MACF1: variants seen among roughly 807,000 people sequenced by gnomAD.
MACF1 encodes microtubule actin crosslinking factor 1.
In MACF1, 193 loss-of-function variants were observed where a neutral mutation model predicts 854.8. The ratio of observed to expected loss-of-function variants is 0.23; its 90% confidence interval spans 0.20 to 0.25. The LOEUF (loss-of-function observed/expected upper bound fraction) is 0.25, where lower values mean the gene tolerates loss of function less well. MACF1 is among the 10% of genes least tolerant of loss of function. The pLI is 1.00. For missense variants in MACF1, 7,722 were observed against 8,929.1 expected, an observed-to-expected ratio of 0.86 and a Z score of 5.45; for synonymous variants, 3,185 against 3,226.7, an observed-to-expected ratio of 0.99 and a Z score of 0.44.
At chr1:39,299,071 C>CT (rs763017091) in intron 21 of MACF1, among the ~76,000 whole-genome samples, 16 of 152,172 alleles carry the variant, frequency 1.1e-4, no homozygotes, top group Non-Finnish European at 2.2e-4. Context: ...CACTTGGTCT[C>CT]TGGAGCTTGA....
At chr1:39,302,884 G>A in intron 22 of MACF1, 40 bp from the exon 23 acceptor site, 3 of 1,577,672 alleles carry the variant, frequency 1.9e-6, no homozygotes, top group Non-Finnish European at 2.6e-6. Flanking sequence ...TGGGTTGTTG[G>A]TTTATCCATT....
Position 39,300,258 on chromosome 1 carries a change from G to A in MACF1, c.2530G>A (p.Val844Ile), listed in dbSNP as rs778673967. The A allele has an allele frequency of 4.3e-5, 69 of 1,614,004 alleles. 1 individual carries two copies. Among genetic ancestry groups the A allele is most frequent in the South Asian group, 1.8e-4 (16 of 91,046 alleles). ...GTCCAAGAGTTCCGTTGCCAGTCTC[G>A]TTGGGAGATCAAAAACCATCGTTCA... ...IQSKSSVASLVGRSKTIVQLK... is the reference protein window; with the variant it reads ...IQSKSSVASLIGRSKTIVQLK... Residue 844 changes from valine (V) to isoleucine (I), a missense_variant, in exon 22 of 101, where the codon GTT becomes ATT. By Grantham distance (29) the Val-to-Ile change is conservative. Transcript: ENST00000564288.
chr1:39,379,114 A>T, intron 53 of MACF1, 89 bp from the exon 54 acceptor site: 1 of 1,306,830 alleles, frequency 7.7e-7, no homozygotes, highest in Non-Finnish European at 1.1e-6. Context: ...TAGAAGGAGT[A>T]AGAGAGATGC....
intron 2 of MACF1, among the ~76,000 whole-genome samples, chr1:39,147,253 TTTCC>T (rs1003289671): frequency 6.6e-5 from 10 of 151,106 alleles, no homozygotes; most frequent in African/African-American, 2.2e-4. Flanking sequence ...TCCTCTCTCT[TTTCC>T]TTCCTTCCTT....
chr1:39,378,373 A>G, intron 52 of MACF1, 88 bp from the exon 53 acceptor site: 1 of 888,356 alleles, frequency 1.1e-6, no homozygotes, highest in East Asian at 2.4e-5. Flanking sequence ...CCTAAGCTTA[A>G]AGTGAGGGCC....
chr1:39,399,844 T>C (rs911003059), intron 58 of MACF1, among the ~76,000 whole-genome samples: 1 of 152,248 alleles, frequency 6.6e-6, no homozygotes, highest in African/African-American at 2.4e-5. Context: ...TTAATGTAGT[T>C]AGCATATTGG....
At chr1:39,125,204 T>C (rs796977468) in intron 2 of MACF1, among the ~76,000 whole-genome samples, 3 of 152,170 alleles carry the variant, frequency 2.0e-5, no homozygotes, top group African/African-American at 7.2e-5. Context: ...ATTCAACATA[T>C]AGTGATTTCA....
chr1:39,242,657 C>T (rs1444877894), intron 2 of MACF1, among the ~76,000 whole-genome samples: 1 of 151,022 alleles, frequency 6.6e-6, no homozygotes, highest in Admixed American at 6.6e-5. Context: ...ATCACCTGAG[C>T]CCAGGAAGTC....
At chr1:39,173,988 A>G (rs571667052) in intron 2 of MACF1, among the ~76,000 whole-genome samples, 7 of 151,776 alleles carry the variant, frequency 4.6e-5, no homozygotes, top group Non-Finnish European at 8.8e-5. Context: ...TGCCGTATTT[A>G]AGGGGTGTAG....
At chr1:39,179,798 T>G (rs1217513928) in intron 2 of MACF1, among the ~76,000 whole-genome samples, 1 of 152,094 alleles carries the variant, frequency 6.6e-6, no homozygotes, top group Non-Finnish European at 1.5e-5. Context: ...GTGGATCACT[T>G]GAGGTCAGGA....
intron 40 of MACF1, among the ~76,000 whole-genome samples, chr1:39,345,187 T>C (rs1647017378): frequency 6.6e-6 from 1 of 152,246 alleles, no homozygotes; most frequent in African/African-American, 2.4e-5. Context: ...TTTTTAATAG[T>C]CTGAAAACAG....
intron 38 of MACF1, among the ~76,000 whole-genome samples, chr1:39,340,014 G>A (rs1264600486): frequency 2.0e-5 from 3 of 152,166 alleles, no homozygotes; most frequent in Non-Finnish European, 4.4e-5. Context: ...CTAGATGAGT[G>A]GAAAAGCTGG....
chr1:39,314,560 C>CT (rs1267532466), intron 26 of MACF1, among the ~76,000 whole-genome samples: 1 of 42,504 alleles, frequency 2.4e-5, no homozygotes, highest in African/African-American at 4.1e-5. Context: ...CTCTCTCTCT[C>CT]TCTCTCTCTC....
intron 2 of MACF1, among the ~76,000 whole-genome samples, chr1:39,097,394 T>C (rs1641963705): frequency 6.6e-6 from 1 of 152,130 alleles, no homozygotes; most frequent in African/African-American, 2.4e-5. Flanking sequence ...CTTGACAGAC[T>C]GAAGTCGAGT....
intron 2 of MACF1, among the ~76,000 whole-genome samples, chr1:39,163,368 A>AAAGAC (rs1643844586): frequency 1.3e-5 from 2 of 151,022 alleles, no homozygotes; most frequent in African/African-American, 4.8e-5. Flanking sequence ...AAAGAAAAGA[A>AAAGAC]AAGAAAAAAA....
At chr1:39,210,846 C>T (rs1644506256) in intron 1 of MACF1, among the ~76,000 whole-genome samples, 1 of 152,072 alleles carries the variant, frequency 6.6e-6, no homozygotes, top group East Asian at 1.9e-4. Context: ...TTATCTGGGC[C>T]TCTGTTTTCC....
At chr1:39,182,470 CTT>C (rs1178670596) in intron 2 of MACF1, among the ~76,000 whole-genome samples, 12 of 151,896 alleles carry the variant, frequency 7.9e-5, no homozygotes, top group Non-Finnish European at 1.8e-4. Context: ...TAATAAGGGA[CTT>C]ATATCCAAAA....
At chr1:39,429,729 C>T in intron 64 of MACF1, 98 bp from the exon 65 acceptor site, 2 of 1,111,910 alleles carry the variant, frequency 1.8e-6, no homozygotes, top group Non-Finnish European at 2.6e-6. Flanking sequence ...AGAGAGAGAG[C>T]GTCTATGAAA....
chr1:39,288,646 C>T (rs1645702194), intron 15 of MACF1, among the ~76,000 whole-genome samples: 1 of 151,814 alleles, frequency 6.6e-6, no homozygotes, highest in Admixed American at 6.6e-5. Flanking sequence ...GGAAAACTAA[C>T]CGGGAATGAT....
Sources: gnomAD v4.1 joint callset for allele counts (sites outside exome capture counted in the v4.1 genomes callset) on GRCh38, gnomAD v4.1.1 for gene constraint, MANE v1.5 for transcripts, NCBI Gene and HGNC (gene_info 2026-07-23, HGNC 2026-07-21) for gene names.